Variants in LRRC4C observed in about 807,000 individuals in gnomAD.
LRRC4C encodes leucine-rich repeat-containing protein 4C.
Under a neutral mutation model 33.6 loss-of-function variants are expected in LRRC4C, and 5 were observed. That is an observed-to-expected ratio of 0.15 (90% CI 0.08 to 0.31). LRRC4C has a LOEUF of 0.31. LRRC4C is among the 10% of genes least tolerant of loss of function. The pLI is 1.00. For missense variants in LRRC4C, 560 were observed against 796.7 expected, an observed-to-expected ratio of 0.70 and a Z score of 3.58; for synonymous variants, 329 against 302.0, an observed-to-expected ratio of 1.09 and a Z score of -0.93.
In LRRC4C at chr11:41,167,267, A is replaced by C. The variant is rs531501088; in HGVS notation, c.-495-233544T>G. 1.3e-4 allele frequency among the ~76,000 whole-genome samples: 20 copies of C among 152,322 alleles called. No individual in the cohort carries two copies. In the East Asian group the frequency reaches 2.3e-3, roughly 18 times the overall value. On this transcript the variant is annotated intron_variant, in intron 1 of 6. Coordinates refer to ENST00000528697, the MANE Select transcript of LRRC4C (RefSeq NM_001258419.2). ...GTTGAAAACAAAACACTTTCCCAGC[A>C]CTACAACCTAACACAGAAGGTTAAT...
chr11:40,861,330 C>T (rs1456826644), intron 2 of LRRC4C, among the ~76,000 whole-genome samples: 2 of 152,068 alleles, frequency 1.3e-5, no homozygotes, highest in Admixed American at 1.3e-4. Context: ...AAACCTGGGA[C>T]TTAAAAGAGA....
chr11:40,114,357 C>T lies in LRRC4C; in HGVS notation c.*13G>A. ...TTTTTTGATTGTTTGTTTTTTGTAA[C>T]TCTGTAAATGTTTTAGATTTGAGTC... On this transcript the variant is annotated 3_prime_UTR_variant, in exon 7 of 7. Coordinates refer to ENST00000528697, the MANE Select transcript of LRRC4C (RefSeq NM_001258419.2). 1 of 1,531,176 alleles carries T rather than the reference C, an allele frequency of 6.5e-7. No homozygotes were observed. The highest frequency in any genetic ancestry group is 8.8e-7 in the Non-Finnish European group (1 of 1,140,248). The allele number at this position is 1,531,176 out of a possible 1,614,324, so 94.8% of individuals were successfully genotyped here. A position where few individuals can be genotyped will look rare whatever the true frequency, so the allele number is the denominator to read the frequency against.
intron 3 of LRRC4C, among the ~76,000 whole-genome samples, chr11:40,320,941 G>T (rs1420881495): frequency 6.6e-6 from 1 of 152,140 alleles, no homozygotes; most frequent in Non-Finnish European, 1.5e-5. Context: ...TACTAAGGTG[G>T]TTGTAATCAA....
intron 1 of LRRC4C, among the ~76,000 whole-genome samples, chr11:41,437,423 G>GCACACACA (rs1173350573): frequency 0.014 from 2,080 of 149,648 alleles, 40 homozygotes; most frequent in African/African-American, 0.037. Flanking sequence ...GCGCGCGCGC[G>GCACACACA]CGCACACACA....
intron 1 of LRRC4C, among the ~76,000 whole-genome samples, chr11:41,254,892 A>G (rs1306599442): frequency 6.6e-6 from 1 of 152,078 alleles, no homozygotes; most frequent in Admixed American, 6.6e-5. Context: ...AATAGAATAT[A>G]TCAAGCAACT....
rs1247555663 is a variant in LRRC4C at position 40,671,876 on chromosome 11, A to T, written c.-406-23598T>A. On this transcript the variant is annotated intron_variant, in intron 2 of 6. Transcript: ENST00000528697. ...TCATTGTACTTATTCCTATTCTAGA[A>T]TGTACATTTTTCAAAAACGAGATTT... Among the ~76,000 whole-genome samples, 3 of 152,120 alleles carry T rather than the reference A, an allele frequency of 2.0e-5. No homozygotes were observed. The East Asian group carries it at 5.8e-4, about 29-fold the overall frequency.
intron 1 of LRRC4C, among the ~76,000 whole-genome samples, chr11:41,294,487 T>C (rs934316529): frequency 4.6e-5 from 7 of 152,210 alleles, no homozygotes; most frequent in Admixed American, 4.6e-4. Context: ...ACATGAGTAA[T>C]TGAATAATCA....
At chr11:40,589,390 T>A (rs1196431617) in intron 3 of LRRC4C, among the ~76,000 whole-genome samples, 1 of 152,122 alleles carries the variant, frequency 6.6e-6, no homozygotes, top group Non-Finnish European at 1.5e-5. Context: ...TGAGATGGGT[T>A]TCCTGAATAC....
At chr11:41,116,858 A>C (rs1283419732) in intron 1 of LRRC4C, among the ~76,000 whole-genome samples, 3 of 152,308 alleles carry the variant, frequency 2.0e-5, no homozygotes, top group Non-Finnish European at 4.4e-5. Flanking sequence ...TAATTGCAAC[A>C]GAAATATTTA....
intron 2 of LRRC4C, among the ~76,000 whole-genome samples, chr11:40,772,039 C>T (rs1949778370): frequency 6.6e-6 from 1 of 152,174 alleles, no homozygotes. Flanking sequence ...ATAGCAGCAA[C>T]CCACTTCTTG....
intron 1 of LRRC4C, among the ~76,000 whole-genome samples, chr11:41,041,456 G>C (rs1857429210): frequency 6.6e-6 from 1 of 152,116 alleles, no homozygotes; most frequent in East Asian, 1.9e-4. Flanking sequence ...ATACAGTACT[G>C]TTCCGGTCTT....
At chr11:41,055,256 G>A (rs2220739) in intron 1 of LRRC4C, among the ~76,000 whole-genome samples, 86,485 of 151,996 alleles carry the variant, frequency 0.57, 25,041 homozygotes, top group South Asian at 0.67. Context: ...TGAAGGTAGT[G>A]CTAGTCTATT....
At chr11:40,550,808 G>GA (rs5791385) in intron 3 of LRRC4C, among the ~76,000 whole-genome samples, 49,050 of 147,760 alleles carry the variant, frequency 0.33, 8,060 homozygotes, top group Non-Finnish European at 0.35. Flanking sequence ...ATTTTGGGTG[G>GA]AAAAAAAAAA....
intron 2 of LRRC4C, among the ~76,000 whole-genome samples, chr11:40,693,470 A>C (rs1457990285): frequency 6.6e-6 from 1 of 152,080 alleles, no homozygotes; most frequent in Non-Finnish European, 1.5e-5. Flanking sequence ...AGCAAAGTAC[A>C]TGTGTGTAGG....
chr11:41,158,934 T>C (rs2136011458), intron 1 of LRRC4C, among the ~76,000 whole-genome samples: 1 of 152,240 alleles, frequency 6.6e-6, no homozygotes, highest in African/African-American at 2.4e-5. Context: ...GGAACTGGAC[T>C]TTGTAGAAAT....
At chr11:40,561,561 C>T (rs1032115467) in intron 3 of LRRC4C, among the ~76,000 whole-genome samples, 5 of 151,754 alleles carry the variant, frequency 3.3e-5, no homozygotes, top group South Asian at 2.1e-4. Flanking sequence ...TACAGGTGCC[C>T]GCCACCACGC....
intron 2 of LRRC4C, among the ~76,000 whole-genome samples, chr11:40,707,100 G>A (rs1378659735): frequency 6.6e-6 from 1 of 152,144 alleles, no homozygotes; most frequent in Non-Finnish European, 1.5e-5. Flanking sequence ...ATCATCTTAA[G>A]GAGATTTTGG....
intron 3 of LRRC4C, among the ~76,000 whole-genome samples, chr11:40,526,350 C>A (rs1240966179): frequency 6.6e-6 from 1 of 151,950 alleles, no homozygotes; most frequent in Non-Finnish European, 1.5e-5. Context: ...TACTCACAAC[C>A]AGCATACATT....
At chr11:41,215,951 C>T (rs1307333319) in intron 1 of LRRC4C, among the ~76,000 whole-genome samples, 1 of 152,186 alleles carries the variant, frequency 6.6e-6, no homozygotes, top group African/African-American at 2.4e-5. Context: ...AAAGTGGCTG[C>T]TTCGTTCTCA....
Sources: gnomAD v4.1 joint callset for allele counts (sites outside exome capture counted in the v4.1 genomes callset) on GRCh38, gnomAD v4.1.1 for gene constraint, MANE v1.5 for transcripts, NCBI Gene and HGNC (gene_info 2026-07-23, HGNC 2026-07-21) for gene names.